Variants in RNF213 observed in about 807,000 individuals in gnomAD.
RNF213 encodes the protein E3 ubiquitin-protein ligase RNF213.
In RNF213, 341 loss-of-function variants were observed where a neutral mutation model predicts 514.4. The observed-to-expected ratio is 0.66, with a 90% CI of 0.61 to 0.73. RNF213 has a LOEUF of 0.73. Ranked by LOEUF, RNF213 falls within the 30% of genes least tolerant of loss-of-function variation. RNF213 has a pLI of 0.00. For synonymous variants in RNF213, 2,655 were observed against 2,658.2 expected (o/e 1.00, Z 0.04); for missense variants, 5,767 against 6,615.6 (o/e 0.87, Z 4.45).
At chr17:80,306,695 C>CA (rs1184332890) in intron 12 of RNF213, among the ~76,000 whole-genome samples, 2 of 151,842 alleles carry the variant, frequency 1.3e-5, no homozygotes, top group Non-Finnish European at 2.9e-5. Flanking sequence ...ACTAAAAATA[C>CA]AAAAAAATTA....
chr17:80,290,508 C>G, intron 6 of RNF213, 62 bp from the exon 7 acceptor site: 1 of 1,599,364 alleles, frequency 6.3e-7, no homozygotes, highest in Non-Finnish European at 8.5e-7. Context: ...CGCGTGTGTG[C>G]ATGCACATGG....
At chr17:80,303,720 C>T (rs1229306349) in intron 11 of RNF213, among the ~76,000 whole-genome samples, 1 of 151,702 alleles carries the variant, frequency 6.6e-6, no homozygotes, top group Non-Finnish European at 1.5e-5. Context: ...CATGTCATCA[C>T]ACATCACATG....
At chr17:80,386,645 C>T (rs754396070) in intron 62 of RNF213, 45 bp from the exon 63 acceptor site, 34 of 1,586,256 alleles carry the variant, frequency 2.1e-5, no homozygotes, top group East Asian at 4.5e-5. Flanking sequence ...GCCCTAGGCC[C>T]GCATGCCTGG....
At chr17:80,297,106 A>G (rs2143427168) in intron 10 of RNF213, among the ~76,000 whole-genome samples, 1 of 152,138 alleles carries the variant, frequency 6.6e-6, no homozygotes, top group African/African-American at 2.4e-5. Flanking sequence ...ATATCTTTTG[A>G]CTGTAGGAGA....
chr17:80,290,490 T>C, intron 6 of RNF213, 80 bp from the exon 7 acceptor site: 2 of 1,530,312 alleles, frequency 1.3e-6, no homozygotes, highest in South Asian at 2.3e-5. Context: ...TGCGCACGTG[T>C]GTGTGTGCGC....
At chr17:80,286,539 C>A (rs1156921543) in intron 3 of RNF213, among the ~76,000 whole-genome samples, 1 of 152,078 alleles carries the variant, frequency 6.6e-6, no homozygotes, top group South Asian at 2.1e-4. Context: ...GGCCGACCGT[C>A]AGCCGAGGGG....
At chr17:80,328,262 G>A in intron 19 of RNF213, 66 bp from the exon 20 acceptor site, 2 of 1,482,870 alleles carry the variant, frequency 1.3e-6, no homozygotes, top group Non-Finnish European at 1.8e-6. Flanking sequence ...CGCTTTCAAA[G>A]CATTGCCATG....
At chr17:80,261,872 C>A (rs1433623668) in intron 1 of RNF213, among the ~76,000 whole-genome samples, 2 of 152,158 alleles carry the variant, frequency 1.3e-5, no homozygotes, top group African/African-American at 4.8e-5. Flanking sequence ...AAAAAATTAG[C>A]CGGGTGTGGT....
rs1406546932 is a variant in RNF213 at position 80,348,065 on chromosome 17, GAGGA to G, written c.9732_9735del (p.Glu3244AspfsTer15). 6.2e-7 allele frequency: 1 copy of G among 1,614,058 alleles called. No individual in the cohort carries two copies. Among genetic ancestry groups the G allele is most frequent in the East Asian group, 2.2e-5 (1 of 44,898 alleles). On this transcript the variant is annotated frameshift_variant, in exon 29 of 68. Coordinates refer to ENST00000582970, the MANE Select transcript of RNF213 (RefSeq NM_001256071.3). LOFTEE classifies it high-confidence loss of function. ...GAGGCAGGGTCCCCGGGCCTTGACG[GAGGA>G]ACTTCACCAGAAGGTGTCTGAGGAG...
chr17:80,292,610 T>A (rs1369791003), intron 8 of RNF213, among the ~76,000 whole-genome samples: 1 of 152,036 alleles, frequency 6.6e-6, no homozygotes, highest in Non-Finnish European at 1.5e-5. Context: ...TCTGCCCATC[T>A]GTCAATAGAC....
chr17:80,368,580 G>A (rs79975611), intron 44 of RNF213, among the ~76,000 whole-genome samples: 15 of 152,034 alleles, frequency 9.9e-5, no homozygotes, highest in African/African-American at 3.4e-4. Context: ...TTACAGGCAT[G>A]CACCACCATG....
At chr17:80,375,173 G>A (rs1253378595) in intron 50 of RNF213, 1 of 174,968 alleles carries the variant, frequency 5.7e-6, no homozygotes, top group Non-Finnish European at 1.2e-5. Context: ...AGAACAGATG[G>A]TGATTCCGTT....
At chr17:80,379,587 A>C in intron 54 of RNF213, 33 bp from the exon 55 acceptor site, 1 of 1,590,884 alleles carries the variant, frequency 6.3e-7, no homozygotes, top group Non-Finnish European at 8.6e-7. Flanking sequence ...GTACTGCTCC[A>C]GAAGTGGTTC....
rs2044920594 is a variant in RNF213, at chr17:80,295,814, G to A, written c.2012+1G>A. 3 of 1,613,980 alleles carry A rather than the reference G, an allele frequency of 1.9e-6. No individual in the cohort carries two copies. Among genetic ancestry groups the A allele is most frequent in the Middle Eastern group, 1.6e-4 (1 of 6,062 alleles). ...GCCACATCCTTGGGATACCTCAGAG[G>A]TATTATTATTTTTTGTCAAAATGTT... On this transcript the variant is annotated splice_donor_variant, in intron 10 of 67. Coordinates refer to ENST00000582970, the MANE Select transcript of RNF213 (RefSeq NM_001256071.3). LOFTEE classifies it high-confidence loss of function.
chr17:80,305,184 C>CTTTTTT (rs71163950), intron 11 of RNF213, among the ~76,000 whole-genome samples: 54 of 127,426 alleles, frequency 4.2e-4, no homozygotes, highest in South Asian at 9.6e-4. Flanking sequence ...CAGCAGTGAA[C>CTTTTTT]TTTTTTTTTT....
chr17:80,339,882 G>A lies in RNF213; in HGVS notation c.5515G>A (p.Glu1839Lys), dbSNP rs369041141. 8.5e-6 allele frequency: 13 copies of A among 1,536,960 alleles called. No homozygotes were observed. The highest frequency in any genetic ancestry group is 2.4e-5 in the East Asian group (1 of 40,908). Residue 1839 changes from glutamate to lysine, a missense_variant, in exon 26 of 68, where the codon GAG becomes AAG. Glu to Lys is a moderately conservative substitution (Grantham distance 56). Transcript: ENST00000582970. ...QPNLVVCGHS[E>K]VLPAALAVYM... is the part of the protein sequence containing the mutation. ...CAACCTCGTCGTCTGTGGCCACTCCGAGGTGTTGCCAGCCGCCCTGGCTGT... is the reference window on the plus strand; with the variant it reads ...CAACCTCGTCGTCTGTGGCCACTCCAAGGTGTTGCCAGCCGCCCTGGCTGT...
At chr17:80,334,488 T>G (rs1402206468) in intron 22 of RNF213, 1 of 439,640 alleles carries the variant, frequency 2.3e-6, no homozygotes, top group South Asian at 6.2e-5. Context: ...CCACTCACCT[T>G]GCCACACCCC....
chr17:80,362,559 C>T (rs998057012), intron 39 of RNF213, among the ~76,000 whole-genome samples: 8 of 152,188 alleles, frequency 5.3e-5, no homozygotes, highest in South Asian at 2.1e-4. Context: ...AAACAACAGC[C>T]GCCGGCCAGT....
chr17:80,288,042 C>T lies in RNF213; in HGVS notation c.489C>T (p.Leu163=), dbSNP rs750628448. 3 of 1,602,416 alleles carry T rather than the reference C, an allele frequency of 1.9e-6. No individual in the cohort carries two copies. Among genetic ancestry groups the T allele is most frequent in the Non-Finnish European group, 2.6e-6 (3 of 1,174,808 alleles). ...TATTPLEGDG[L]SAPTEVGDSP... is the part of the protein sequence containing the mutation. ...CCACGCCACTGGAGGGTGACGGCCT[C>T]TCCGCGCCCACCGAGGTTGGCGACA... Residue 163 remains leucine (L), a synonymous_variant, in exon 4 of 68, where the codon CTC becomes CTT. Transcript: ENST00000582970. This position sits in a 1 kb window ranked among gnomAD's most constrained non-coding sequence, Gnocchi z 4.9.
Sources: gnomAD v4.1 joint callset for allele counts (sites outside exome capture counted in the v4.1 genomes callset) on GRCh38, gnomAD v4.1.1 for gene constraint, Gnocchi (gnomAD v3.1) non-coding constraint, MANE v1.5 for transcripts, NCBI Gene and HGNC (gene_info 2026-07-23, HGNC 2026-07-21) for gene names.